MTMR9: variants seen among roughly 807,000 people sequenced by gnomAD.
MTMR9 encodes the protein myotubularin-related protein 9.
A neutral mutation model predicts 69.5 loss-of-function variants in MTMR9; 39 were observed. The ratio of observed to expected loss-of-function variants is 0.56; its 90% confidence interval spans 0.43 to 0.73. The LOEUF (loss-of-function observed/expected upper bound fraction) is 0.73, where lower values mean the gene tolerates loss of function less well. Among genes scored for constraint, MTMR9 ranks in the 30% least tolerant of loss-of-function variants. MTMR9 has a pLI of 0.00. For missense variants in MTMR9, 900 were observed against 671.2 expected (o/e 1.34, Z -3.77); for synonymous variants, 354 against 240.8 (o/e 1.47, Z -4.35).
At chr8:11,330,234 C>A (rs555174404), downstream of MTMR9, among the ~76,000 whole-genome samples, 2 of 151,138 alleles carry the variant, frequency 1.3e-5, no homozygotes, top group African/African-American at 2.4e-5. Context: ...CCGCCCCGTC[C>A]GGGAGGGAGG....
chr8:11,305,043 A>T, intron 4 of MTMR9, 29 bp downstream of exon 4: 1 of 1,601,072 alleles, frequency 6.2e-7, no homozygotes, highest in Non-Finnish European at 8.5e-7. Context: ...TGCTTGATGT[A>T]CTGAAAGGCT....
the MTMR9 span, among the ~76,000 whole-genome samples, chr8:11,333,842 C>G: frequency 4.6e-5 from 7 of 152,168 alleles, no homozygotes; most frequent in African/African-American, 1.7e-4. Flanking sequence ...TGAATGTCCC[C>G]TCTAAAATGC....
chr8:11,315,682 C>T (rs2117442722), intron 7 of MTMR9, among the ~76,000 whole-genome samples: 1 of 152,312 alleles, frequency 6.6e-6, no homozygotes, highest in African/African-American at 2.4e-5. Context: ...CCTCTGGTTA[C>T]AATTCGCATT....
chr8:11,312,858 A>C (rs12676613), intron 6 of MTMR9, among the ~76,000 whole-genome samples: 26,911 of 152,218 alleles, frequency 0.18, 3,011 homozygotes, highest in African/African-American at 0.31. Flanking sequence ...GCAGAAAAAC[A>C]ACATTCATCT....
downstream of MTMR9, among the ~76,000 whole-genome samples, chr8:11,328,672 G>A (rs1449052146): frequency 6.6e-6 from 1 of 152,148 alleles, no homozygotes; most frequent in Non-Finnish European, 1.5e-5. Context: ...AAACTAGCAG[G>A]TGAAAATTTG....
At chr8:11,312,001 T>G (rs1024991401) in intron 6 of MTMR9, among the ~76,000 whole-genome samples, 1 of 152,114 alleles carries the variant, frequency 6.6e-6, no homozygotes, top group African/African-American at 2.4e-5. Flanking sequence ...TTCTTCAAGT[T>G]TCATCATGAA....
rs1585135228 is a variant in MTMR9, at chr8:11,319,895, G to C, written c.1486+57G>C. The C allele has an allele frequency of 4.4e-6, 7 of 1,575,854 alleles. No individual in the cohort carries two copies. In the East Asian group the frequency reaches 1.3e-4, roughly 30 times the overall value. On this transcript the variant is annotated intron_variant, in intron 9 of 9. Coordinates refer to ENST00000221086, the MANE Select transcript of MTMR9 (RefSeq NM_015458.4). ...CGGTCAGGTGTGCATGCGGCTGCCT[G>C]TGAGTGTGTGCTGTTGGTGATGTAT...
chr8:11,333,707 A>G, the MTMR9 span, among the ~76,000 whole-genome samples: 4 of 152,350 alleles, frequency 2.6e-5, no homozygotes, highest in East Asian at 1.9e-4. Flanking sequence ...TATGTTAGGG[A>G]GCTTGTTACC....
In MTMR9 at chr8:11,295,206, A is replaced by T. The variant is rs200253815; in HGVS notation, c.195A>T (p.Ser65=). 2 of 1,598,062 alleles carry T rather than the reference A, an allele frequency of 1.3e-6. No homozygotes were observed. The highest frequency in any genetic ancestry group is 1.7e-6 in the Non-Finnish European group (2 of 1,167,332). The part of the protein sequence containing the change: ...IDAIDKRFVG[S]LGTIIIKCKD... ...CAATTTCTTACAGATTTGTAGGATC[A>T]CTGGGTACCATCATCATAAAATGTA... The change falls in exon 2 of 10, where the codon TCA becomes TCT. Residue 65 remains serine (S), a synonymous_variant. Coordinates refer to ENST00000221086, the MANE Select transcript of MTMR9 (RefSeq NM_015458.4).
At position 11,319,607 on chromosome 8, in the gene MTMR9, A is replaced by G. The variant is rs1800578995; in HGVS notation, c.1335-80A>G. The G allele has an allele frequency of 4.2e-6, 6 of 1,414,826 alleles. No homozygotes were observed. In the South Asian group the frequency reaches 7.2e-5, roughly 17 times the overall value. 87.6% of individuals were successfully genotyped at this position (1,414,826 alleles called of 1,614,324 possible). On this transcript the variant is annotated intron_variant, in intron 8 of 9. Transcript: ENST00000221086. ...TTCTATCTTCTTTCATACTGAGAAG[A>G]AATTGTCCTCGTAAGAGGAGCACTC...
At chr8:11,308,355 GATT>G (rs1800051738) in intron 5 of MTMR9, among the ~76,000 whole-genome samples, 1 of 152,130 alleles carries the variant, frequency 6.6e-6, no homozygotes, top group African/African-American at 2.4e-5. Context: ...TAAATGCATG[GATT>G]TATTTCTGGG....
At chr8:11,311,489 A>C (rs1800196361) in intron 6 of MTMR9, among the ~76,000 whole-genome samples, 1 of 152,254 alleles carries the variant, frequency 6.6e-6, no homozygotes, top group Non-Finnish European at 1.5e-5. Context: ...TTGGTTTTCT[A>C]GTGCATATAA....
chr8:11,336,175 A>G, the MTMR9 span, among the ~76,000 whole-genome samples: 1 of 152,218 alleles, frequency 6.6e-6, no homozygotes, highest in African/African-American at 2.4e-5. Context: ...AGAGCTCAGC[A>G]TTAGATTCTG....
At position 11,322,804 on chromosome 8, in the gene MTMR9, C is replaced by A. The variant is rs202199266; in HGVS notation, c.*16C>A. On this transcript the variant is annotated 3_prime_UTR_variant, in exon 10 of 10. Transcript: ENST00000221086. ...GAGTCCCTGAAAGGTCTCCTCGCAC[C>A]CTTCGCAAGGACCTTCTTGGGCCTG... The A allele has an allele frequency of 2.5e-6, 4 of 1,605,602 alleles. No homozygotes were observed. In the East Asian group the frequency reaches 8.9e-5, roughly 36 times the overall value.
Position 11,306,276 on chromosome 8 carries a change from G to A in MTMR9, c.678G>A (p.Arg226=), listed in dbSNP as rs888192501. The A allele has an allele frequency of 4.3e-6, 7 of 1,614,032 alleles. No individual in the cohort carries two copies. The highest frequency in any genetic ancestry group is 3.3e-5 in the South Asian group (3 of 91,078). The part of the protein sequence containing the change: ...EDEKLINATL[R]AGKRGYIIDT... The stretch of plus-strand genomic sequence containing the variant: ...AGAAGCTGATAAATGCTACCCTCAG[G>A]GCTGGAAAGCGTGGCTACATCATTG... The change falls in exon 5 of 10, where the codon AGG becomes AGA. Residue 226 remains arginine (R), a synonymous_variant. Coordinates refer to ENST00000221086, the MANE Select transcript of MTMR9 (RefSeq NM_015458.4).
the MTMR9 span, among the ~76,000 whole-genome samples, chr8:11,335,535 T>C: frequency 6.6e-6 from 1 of 152,158 alleles, no homozygotes; most frequent in Non-Finnish European, 1.5e-5. Context: ...AAAATGTTAT[T>C]TTGTGGATAG....
intron 7 of MTMR9, 167 bp from the exon 8 acceptor site, chr8:11,316,506 T>G: frequency 2.2e-6 from 1 of 449,470 alleles, no homozygotes. Flanking sequence ...TTGCTGCCGC[T>G]ATTTATTTTA....
intron 1 of MTMR9, among the ~76,000 whole-genome samples, chr8:11,288,618 A>G (rs1209784563): frequency 6.6e-6 from 1 of 152,146 alleles, no homozygotes; most frequent in Non-Finnish European, 1.5e-5. Flanking sequence ...CGAAGAGGCC[A>G]GTGTGGCTGC....
At chr8:11,298,720 ACC>A in intron 2 of MTMR9, 637 of 721,600 alleles carry the variant, frequency 8.8e-4, no homozygotes, top group Middle Eastern at 2.1e-3. Flanking sequence ...TCCCCGCTGC[ACC>A]CCCCCCCCGC....
Sources: allele counts gnomAD v4.1 joint callset (sites outside exome capture counted in the v4.1 genomes callset), GRCh38; gene constraint gnomAD v4.1.1; transcripts MANE v1.5; gene names NCBI Gene and HGNC (gene_info 2026-07-23, HGNC 2026-07-21).